The following BPIFC variants were observed in gnomAD, a reference collection of about 807,000 sequenced individuals.
BPIFC encodes BPI fold containing family C.
Under a neutral mutation model 57.6 loss-of-function variants are expected in BPIFC, and 60 were observed. The ratio of observed to expected loss-of-function variants is 1.04; its 90% CI spans 0.85 to 1.29. The LOEUF is 1.29. BPIFC is among the 50% of genes most tolerant of loss of function. The pLI is 0.00. For synonymous variants in BPIFC, 243 were observed against 224.5 expected (o/e 1.08, Z -0.74); for missense variants, 581 against 600.5 (o/e 0.97, Z 0.34).
rs116878659 is a variant in BPIFC, at chr22:32,452,863, C to A, written c.245+520G>T. On this transcript the variant is annotated intron_variant, in intron 4 of 16. Coordinates refer to ENST00000300399, the MANE Select transcript of BPIFC (RefSeq NM_174932.3). Reference sequence around the variant, plus strand: ...AAGACTGAGCTCCAGATGGACAAAGCTATCCTCTCCTTATACTGCCTTTGG... The same window carrying A: ...AAGACTGAGCTCCAGATGGACAAAGATATCCTCTCCTTATACTGCCTTTGG... 1.9e-3 allele frequency among the ~76,000 whole-genome samples: 295 copies of A among 152,270 alleles called. 3 individuals are homozygous for A. The East Asian group carries it at 0.045, about 23-fold the overall frequency.
At chr22:32,446,125 T>C in intron 5 of BPIFC, 129 bp from the exon 6 acceptor site, 9 of 1,062,950 alleles carry the variant, frequency 8.5e-6, no homozygotes, top group Non-Finnish European at 1.1e-5. Flanking sequence ...CTGACTTCCT[T>C]GCACCTACAA....
chr22:32,428,771 C>T (rs538156006), intron 13 of BPIFC, among the ~76,000 whole-genome samples: 4 of 151,992 alleles, frequency 2.6e-5, no homozygotes, highest in South Asian at 2.1e-4. Flanking sequence ...TGGTGGCAGG[C>T]GCCTGTAATC....
intron 13 of BPIFC, among the ~76,000 whole-genome samples, chr22:32,423,647 C>T (rs1449096026): frequency 6.9e-6 from 1 of 145,834 alleles, no homozygotes; most frequent in Non-Finnish European, 1.5e-5. Flanking sequence ...TTTGGAGTGT[C>T]CAAAGTCTCA....
intron 13 of BPIFC, among the ~76,000 whole-genome samples, chr22:32,423,264 C>G (rs1569447447): frequency 6.6e-6 from 1 of 152,288 alleles, no homozygotes; most frequent in African/African-American, 2.4e-5. Context: ...TAAGAGTTAT[C>G]CAATGTTTGA....
At chr22:32,423,715 A>G (rs1481377660) in intron 13 of BPIFC, among the ~76,000 whole-genome samples, 2 of 151,968 alleles carry the variant, frequency 1.3e-5, no homozygotes, top group Non-Finnish European at 2.9e-5. Flanking sequence ...ATGGCTCAAC[A>G]GTAACGTACA....
At chr22:32,446,875 G>T (rs1017247124) in intron 5 of BPIFC, 1 of 878,744 alleles carries the variant, frequency 1.1e-6, no homozygotes, top group South Asian at 5.2e-5. Context: ...GGGGAAGTGT[G>T]TTGAATGGCT....
intron 11 of BPIFC, 134 bp from the exon 12 acceptor site, chr22:32,432,677 C>T (rs144314468): frequency 7.4e-6 from 6 of 809,968 alleles, no homozygotes; most frequent in African/African-American, 3.5e-5. Context: ...CTTTAATAAT[C>T]ATAATTACAC....
chr22:32,417,866 T>C (rs1933728679), intron 14 of BPIFC, among the ~76,000 whole-genome samples: 1 of 152,140 alleles, frequency 6.6e-6, no homozygotes, highest in Admixed American at 6.5e-5. Flanking sequence ...TTCTTTTTTT[T>C]TTATTTAAAA....
At chr22:32,435,003 T>C (rs945646744) in intron 10 of BPIFC, among the ~76,000 whole-genome samples, 7 of 143,150 alleles carry the variant, frequency 4.9e-5, no homozygotes, top group African/African-American at 1.5e-4. Context: ...ATGATGACAA[T>C]GATGATAAGC....
At chr22:32,425,674 G>A (rs976854125) in intron 13 of BPIFC, among the ~76,000 whole-genome samples, 3 of 152,046 alleles carry the variant, frequency 2.0e-5, no homozygotes, top group Non-Finnish European at 2.9e-5. Flanking sequence ...TGCCAAGCCC[G>A]GTGCCTCTGT....
chr22:32,460,043 G>C (rs1935130877), intron 2 of BPIFC, among the ~76,000 whole-genome samples: 1 of 152,094 alleles, frequency 6.6e-6, no homozygotes. Context: ...TTTGATTAAG[G>C]GGGGTGAGTA....
chr22:32,419,523 G>T lies in BPIFC; in HGVS notation c.1218-119C>A, dbSNP rs1380398378. On this transcript the variant is annotated intron_variant, in intron 13 of 16. Coordinates refer to ENST00000300399, the MANE Select transcript of BPIFC (RefSeq NM_174932.3). ...CACTATTTAAAAAAAAACACACAAG[G>T]CTGGGCATGGTGGCCCACGCCTGTA... is the stretch of plus-strand genomic sequence containing the variant. 3 of 1,029,616 alleles carry T rather than the reference G, an allele frequency of 2.9e-6. No homozygotes were observed. The African/African-American group carries it at 4.9e-5, about 17-fold the overall frequency. The allele number at this position is 1,029,616 out of a possible 1,614,324, so 63.8% of individuals were successfully genotyped here.
At chr22:32,448,114 G>A (rs569557662) in intron 4 of BPIFC, among the ~76,000 whole-genome samples, 1 of 151,268 alleles carries the variant, frequency 6.6e-6, no homozygotes, top group Non-Finnish European at 1.5e-5. Context: ...TGTCACCCAG[G>A]CTGGAGTGCA....
rs934894899 is a variant in BPIFC at position 32,445,827 on chromosome 22, G to A, written c.530+14C>T. 1.9e-6 allele frequency: 3 copies of A among 1,612,468 alleles called. No individual in the cohort carries two copies. Among genetic ancestry groups the A allele is most frequent in the African/African-American group, 2.7e-5 (2 of 74,638 alleles). ...CCCTAACTAGCCACTGCCCAACCCA[G>A]GGCTCTCATTCACCTGAGTTCTCCG... is the stretch of plus-strand genomic sequence containing the variant. On this transcript the variant is annotated intron_variant, in intron 6 of 16. Transcript: ENST00000300399.
At chr22:32,459,168 C>T (rs779984026) in intron 2 of BPIFC, among the ~76,000 whole-genome samples, 5 of 152,138 alleles carry the variant, frequency 3.3e-5, no homozygotes, top group African/African-American at 9.7e-5. Context: ...GGTACCACTG[C>T]GCTAACACAC....
intron 1 of BPIFC, among the ~76,000 whole-genome samples, chr22:32,463,367 T>C (rs1333819817): frequency 6.6e-6 from 1 of 152,206 alleles, no homozygotes. Context: ...TTGTTGCTTC[T>C]GGGGAATTGC....
At chr22:32,447,605 CTCT>C (rs915432109) in intron 4 of BPIFC, among the ~76,000 whole-genome samples, 1 of 127,916 alleles carries the variant, frequency 7.8e-6, no homozygotes, top group Non-Finnish European at 1.7e-5. Context: ...CTCTCTCGCT[CTCT>C]TTTTTTTTTT....
chr22:32,428,915 A>G (rs1270718969), intron 13 of BPIFC, among the ~76,000 whole-genome samples: 1 of 152,050 alleles, frequency 6.6e-6, no homozygotes, highest in African/African-American at 2.4e-5. Flanking sequence ...AAACAAAATT[A>G]TATTCCCTTT....
chr22:32,417,936 C>T (rs1190181968), intron 14 of BPIFC, among the ~76,000 whole-genome samples: 1 of 151,782 alleles, frequency 6.6e-6, no homozygotes, highest in Non-Finnish European at 1.5e-5. Context: ...GTGGGTATGT[C>T]TTTATCACCA....
Sources: allele counts gnomAD v4.1 joint callset (sites outside exome capture counted in the v4.1 genomes callset), GRCh38; gene constraint gnomAD v4.1.1; transcripts MANE v1.5; gene names NCBI Gene and HGNC (gene_info 2026-07-23, HGNC 2026-07-21).